Variants in FANCI observed in about 807,000 individuals in gnomAD.
FANCI encodes the protein FA complementation group I.
A neutral mutation model predicts 176.1 loss-of-function variants in FANCI; 156 were observed. The observed-to-expected ratio is 0.89, with a 90% CI of 0.78 to 1.01. FANCI has a LOEUF of 1.01. FANCI is among the 50% of genes least tolerant of loss of function. FANCI has a pLI of 0.00. For missense variants in FANCI, 1,678 were observed against 1,534.1 expected (o/e 1.09, Z -1.57); for synonymous variants, 613 against 541.7 (o/e 1.13, Z -1.83).
intron 6 of FANCI, 36 bp downstream of exon 6, chr15:89,261,914 TACAAGTGGCGGAAA>T (rs1306277965): frequency 1.2e-6 from 2 of 1,604,528 alleles, no homozygotes; most frequent in Admixed American, 3.3e-5. Context: ...TTCTTAGGAA[TACAAGTGGCGGAAA>T]AAAAACCACT....
rs116005173 is a variant in FANCI, at chr15:89,264,660, T to C, written c.755+53T>C. ...TCATTTTTACAAATTCATCTTCTCA[T>C]TGTGTATTTTAGCTATTTCATTTTC... is the stretch of plus-strand genomic sequence containing the variant. On this transcript the variant is annotated intron_variant, in intron 9 of 37. Coordinates refer to ENST00000310775, the MANE Select transcript of FANCI (RefSeq NM_001113378.2). The C allele has an allele frequency of 2.1e-3, 3,237 of 1,506,506 alleles. 52 individuals are homozygous for C. The African/African-American group carries it at 0.04, about 18-fold the overall frequency. 93.3% of individuals were successfully genotyped at this position (1,506,506 alleles called of 1,614,324 possible). A position where few individuals can be genotyped will look rare whatever the true frequency, so the allele number is the denominator to read the frequency against.
At chr15:89,283,081 G>A in intron 16 of FANCI, 55 bp from the exon 17 acceptor site, 1 of 1,578,882 alleles carries the variant, frequency 6.3e-7, no homozygotes, top group Non-Finnish European at 8.7e-7. Flanking sequence ...TTCTGACCCA[G>A]AAGCATATTC....
At chr15:89,285,985 A>T (rs1439435826) in intron 18 of FANCI, among the ~76,000 whole-genome samples, 1 of 124,858 alleles carries the variant, frequency 8.0e-6, no homozygotes, top group Non-Finnish European at 1.7e-5. Context: ...TTCCAAACTT[A>T]GTTTTTTTTT....
intron 2 of FANCI, among the ~76,000 whole-genome samples, chr15:89,250,855 A>C (rs902536676): frequency 7.9e-5 from 12 of 151,796 alleles, no homozygotes; most frequent in Non-Finnish European, 1.6e-4. Context: ...AGTGTTTAAC[A>C]AATGAAATAA....
intron 9 of FANCI, among the ~76,000 whole-genome samples, chr15:89,267,252 G>A (rs1244975520): frequency 6.6e-6 from 1 of 150,570 alleles, no homozygotes; most frequent in Non-Finnish European, 1.5e-5. Context: ...CTCAGGAGGC[G>A]GAGGTTGCAG....
intron 2 of FANCI, among the ~76,000 whole-genome samples, chr15:89,251,145 G>GA (rs1473963778): frequency 6.6e-6 from 1 of 152,066 alleles, no homozygotes; most frequent in Non-Finnish European, 1.5e-5. Flanking sequence ...TTAATACAGA[G>GA]AAAATCTCAA....
chr15:89,305,107 A>T lies in FANCI; in HGVS notation c.3059-8A>T. On this transcript the variant is annotated splice_region_variant and splice_polypyrimidine_tract_variant and intron_variant, in intron 28 of 37. Transcript: ENST00000310775. ...TACCTTTTAATTTGCTTTTCTTCCT[A>T]TTCCTAGAGGATGCCTTGTTTTGCA... 1 of 1,613,954 alleles carries T rather than the reference A, an allele frequency of 6.2e-7. No individual in the cohort carries two copies. The highest frequency in any genetic ancestry group is 2.2e-5 in the East Asian group (1 of 44,876).
chr15:89,314,918 C>T (rs1187940857), intron 36 of FANCI, among the ~76,000 whole-genome samples: 1 of 144,260 alleles, frequency 6.9e-6, no homozygotes, highest in Non-Finnish European at 1.5e-5. Flanking sequence ...GATCCTCTGG[C>T]CTCAGCCTCC....
At chr15:89,295,366 GAAA>G (rs373941070) in intron 24 of FANCI, among the ~76,000 whole-genome samples, 7 of 96,300 alleles carry the variant, frequency 7.3e-5, no homozygotes, top group South Asian at 3.3e-4. Flanking sequence ...ACTCTCAAAA[GAAA>G]AAAAAAAAAA....
At chr15:89,276,614 A>G in intron 12 of FANCI, 97 bp from the exon 13 acceptor site, 2 of 1,319,210 alleles carry the variant, frequency 1.5e-6, no homozygotes, top group South Asian at 2.4e-5. Context: ...TTGATTATCT[A>G]GGTCAAGTTT....
At position 89,305,614 on chromosome 15, in the gene FANCI, C is replaced by T; in HGVS notation, c.3265C>T (p.Leu1089=). The part of the protein sequence containing the change: ...TAAPTVCLLV[L]SQAEKVLEEV... Reference sequence around the variant, plus strand: ...CACTCTTTTCTTTCAGTTACTTGTTCTGAGTCAGGCCGAGAAGGTTCTAGA... The same window carrying T: ...CACTCTTTTCTTTCAGTTACTTGTTTTGAGTCAGGCCGAGAAGGTTCTAGA... The change falls in exon 31 of 38, where the codon CTG becomes TTG. Residue 1089 remains leucine, a synonymous_variant. Transcript: ENST00000310775. 2 of 1,614,132 alleles carry T rather than the reference C, an allele frequency of 1.2e-6. No homozygotes were observed. Among genetic ancestry groups the T allele is most frequent in the Non-Finnish European group, 1.7e-6 (2 of 1,180,008 alleles).
intron 4 of FANCI, 133 bp from the exon 5 acceptor site, chr15:89,261,452 C>A: frequency 9.0e-7 from 1 of 1,117,200 alleles, no homozygotes; most frequent in Non-Finnish European, 1.3e-6. Flanking sequence ...CAGAATGATT[C>A]CATAAATCCC....
chr15:89,276,971 G>A, intron 13 of FANCI, 80 bp downstream of exon 13: 2 of 1,451,462 alleles, frequency 1.4e-6, no homozygotes, highest in Non-Finnish European at 1.9e-6. Flanking sequence ...TGGGAGTTTG[G>A]TGGACAAGGA....
chr15:89,304,009 A>C lies in FANCI; in HGVS notation c.3058+94A>C, dbSNP rs112227226. 1.4e-5 allele frequency: 17 copies of C among 1,237,238 alleles called. 1 individual carries two copies. Among genetic ancestry groups the C allele is most frequent in the African/African-American group, 1.2e-4 (8 of 67,926 alleles). 76.6% of individuals were successfully genotyped at this position (1,237,238 alleles called of 1,614,324 possible). A position where few individuals can be genotyped will look rare whatever the true frequency, so the allele number is the denominator to read the frequency against. On this transcript the variant is annotated intron_variant, in intron 28 of 37. Coordinates refer to ENST00000310775, the MANE Select transcript of FANCI (RefSeq NM_001113378.2). ...AGAAAAGGTATTCCCCATTCATTAC[A>C]CATTCACCAGAGTGGCCAAAATGAA...
In FANCI at chr15:89,316,717, T is replaced by G; in HGVS notation, c.*258T>G. 1 of 1,560,768 alleles carries G rather than the reference T, an allele frequency of 6.4e-7. No homozygotes were observed. Among genetic ancestry groups the G allele is most frequent in the Non-Finnish European group, 8.8e-7 (1 of 1,131,448 alleles). On this transcript the variant is annotated 3_prime_UTR_variant, in exon 38 of 38. Transcript: ENST00000310775. ...GGAGCCTGCACCACCCCGATGAAGCTCCACGGGAGCAAATACAGAGCCTCC... is the reference window on the plus strand; with the variant it reads ...GGAGCCTGCACCACCCCGATGAAGCGCCACGGGAGCAAATACAGAGCCTCC...
chr15:89,271,603 A>G (rs2053202908), intron 10 of FANCI, among the ~76,000 whole-genome samples: 1 of 152,100 alleles, frequency 6.6e-6, no homozygotes, highest in Admixed American at 6.5e-5. Context: ...GCCTCAAGTG[A>G]TCCTCCCACT....
intron 9 of FANCI, 139 bp downstream of exon 9, chr15:89,264,746 T>C: frequency 1.5e-6 from 1 of 673,096 alleles, no homozygotes; most frequent in Non-Finnish European, 2.6e-6. Flanking sequence ...TCTTAGCTAC[T>C]CAGTAATAAA....
intron 29 of FANCI, 27 bp downstream of exon 29, chr15:89,305,269 A>T: frequency 6.2e-7 from 1 of 1,614,108 alleles, no homozygotes. Flanking sequence ...TCAGTACAAT[A>T]CCCTGTGTGG....
intron 15 of FANCI, 133 bp downstream of exon 15, chr15:89,281,433 A>T: frequency 8.8e-7 from 1 of 1,140,914 alleles, no homozygotes; most frequent in Admixed American, 1.8e-5. Flanking sequence ...TAAAATTTGC[A>T]TTAAAAGGGC....
Sources: allele counts gnomAD v4.1 joint callset (sites outside exome capture counted in the v4.1 genomes callset), GRCh38; gene constraint gnomAD v4.1.1; transcripts MANE v1.5; gene names NCBI Gene and HGNC (gene_info 2026-07-23, HGNC 2026-07-21).